The following TFEC variants were observed in gnomAD, a reference collection of about 807,000 sequenced individuals.
TFEC encodes the protein transcription factor EC.
TFEC carries 31 observed loss-of-function variants against 41.6 expected under a neutral mutation model. The observed-to-expected ratio is 0.74, with a 90% CI of 0.56 to 1.01. TFEC has a LOEUF of 1.01. TFEC is among the 50% of genes least tolerant of loss of function. The pLI, the probability that TFEC is intolerant of heterozygous loss-of-function variation, is 0.00. For synonymous variants in TFEC, 143 were observed against 140.6 expected (o/e 1.02, Z -0.12); for missense variants, 402 against 404.1 (o/e 0.99, Z 0.04).
chr7:115,990,308 T>G (rs898175565), intron 1 of TFEC, among the ~76,000 whole-genome samples: 2 of 152,080 alleles, frequency 1.3e-5, no homozygotes, highest in African/African-American at 4.8e-5. Flanking sequence ...AATTCTAAAA[T>G]CAGAGCGCTT....
chr7:115,975,234 T>C (rs1793328417), intron 2 of TFEC, among the ~76,000 whole-genome samples: 1 of 151,804 alleles, frequency 6.6e-6, no homozygotes, highest in Non-Finnish European at 1.5e-5. Context: ...CTCTCTCTCT[T>C]TCTCTCTCTC....
chr7:116,112,557 C>T (rs1278856377), intron 1 of TFEC, among the ~76,000 whole-genome samples: 2 of 151,772 alleles, frequency 1.3e-5, no homozygotes, highest in Non-Finnish European at 2.9e-5. Context: ...AATTGGTGCC[C>T]AATATTGAAT....
At chr7:115,980,811 AG>A (rs1344330108) in intron 2 of TFEC, among the ~76,000 whole-genome samples, 1 of 152,050 alleles carries the variant, frequency 6.6e-6, no homozygotes, top group African/African-American at 2.4e-5. Flanking sequence ...AGGAGATAAT[AG>A]TAAACCATAG....
At chr7:116,101,687 G>C (rs1797608764) in intron 3 of TFEC, among the ~76,000 whole-genome samples, 1 of 149,558 alleles carries the variant, frequency 6.7e-6, no homozygotes, top group African/African-American at 2.5e-5. Flanking sequence ...AAGACCTTGG[G>C]GGGAGTTGGG....
At chr7:116,044,688 G>T (rs1480619510) in intron 3 of TFEC, among the ~76,000 whole-genome samples, 1 of 152,170 alleles carries the variant, frequency 6.6e-6, no homozygotes, top group African/African-American at 2.4e-5. Context: ...CCAGATGCTG[G>T]GTATCATTTT....
chr7:116,072,054 C>T (rs1218902724), intron 3 of TFEC, among the ~76,000 whole-genome samples: 2 of 151,520 alleles, frequency 1.3e-5, no homozygotes, highest in Non-Finnish European at 3.0e-5. Flanking sequence ...CATAAAATTA[C>T]AGCTATAGCT....
rs1386003755 is a variant in TFEC at position 115,938,427 on chromosome 7, T to G, written c.*2124A>C. ...AAGTATGTAATATCGTCTTGAAAAT[T>G]ATTGAGAAGATGTATCTAATAGCTG... On this transcript the variant is annotated 3_prime_UTR_variant, in exon 8 of 8. Coordinates refer to ENST00000265440, the MANE Select transcript of TFEC (RefSeq NM_012252.4). 1 of 151,936 alleles carries G rather than the reference T, an allele frequency of 6.6e-6. No individual in the cohort carries two copies. Among genetic ancestry groups the G allele is most frequent in the Non-Finnish European group, 1.5e-5 (1 of 67,914 alleles). 9.4% of individuals were successfully genotyped at this position (151,936 alleles called of 1,614,324 possible). A position where few individuals can be genotyped will look rare whatever the true frequency, so the allele number is the denominator to read the frequency against.
At chr7:116,142,967 G>C (rs1702358935) in intron 1 of TFEC, among the ~76,000 whole-genome samples, 1 of 152,164 alleles carries the variant, frequency 6.6e-6, no homozygotes, top group African/African-American at 2.4e-5. Context: ...CTGAGTACCT[G>C]GTTGTTGAGG....
intron 1 of TFEC, among the ~76,000 whole-genome samples, chr7:116,004,907 T>G (rs2036458694): frequency 6.6e-6 from 1 of 152,138 alleles, no homozygotes; most frequent in Non-Finnish European, 1.5e-5. Context: ...GGGAGGTAAC[T>G]GAATCATGGG....
At chr7:115,971,113 T>C (rs1008131912) in intron 3 of TFEC, among the ~76,000 whole-genome samples, 3 of 152,064 alleles carry the variant, frequency 2.0e-5, no homozygotes, top group African/African-American at 7.2e-5. Flanking sequence ...ACTACTGCTT[T>C]CTTGGTTCTC....
intron 1 of TFEC, among the ~76,000 whole-genome samples, chr7:116,148,877 C>G (rs1012786156): frequency 1.3e-5 from 2 of 149,980 alleles, no homozygotes; most frequent in African/African-American, 2.5e-5. Flanking sequence ...TCGATGAGAT[C>G]ATCAAGAGAA....
chr7:116,020,286 G>A (rs944938409), intron 1 of TFEC, among the ~76,000 whole-genome samples: 1 of 152,134 alleles, frequency 6.6e-6, no homozygotes, highest in African/African-American at 2.4e-5. Flanking sequence ...ACCTTGTGCA[G>A]AGGAGGGAGC....
intron 1 of TFEC, among the ~76,000 whole-genome samples, chr7:115,989,445 G>T (rs1196749145): frequency 2.0e-5 from 3 of 152,166 alleles, no homozygotes; most frequent in African/African-American, 7.2e-5. Context: ...GAAGGGCGGG[G>T]CATCGCCTCA....
intron 2 of TFEC, among the ~76,000 whole-genome samples, chr7:115,978,855 A>G (rs1793500310): frequency 2.6e-5 from 4 of 152,102 alleles, no homozygotes; most frequent in African/African-American, 9.7e-5. Context: ...TTTCTCTTCT[A>G]ACCATCCCTT....
intron 6 of TFEC, among the ~76,000 whole-genome samples, chr7:115,945,941 T>C (rs564642284): frequency 7.9e-5 from 12 of 151,874 alleles, no homozygotes; most frequent in Admixed American, 7.2e-4. Flanking sequence ...AAGACTTTTG[T>C]ATGGCCTGCA....
At chr7:116,054,703 G>T (rs560885259) in intron 3 of TFEC, among the ~76,000 whole-genome samples, 1 of 151,994 alleles carries the variant, frequency 6.6e-6, no homozygotes, top group African/African-American at 2.4e-5. Context: ...TGGAACATAC[G>T]TACACCAAAA....
intron 3 of TFEC, among the ~76,000 whole-genome samples, chr7:116,101,169 C>T (rs1215961303): frequency 1.3e-5 from 2 of 149,576 alleles, no homozygotes; most frequent in African/African-American, 4.9e-5. Flanking sequence ...CTCCCAACAC[C>T]AATGTCCCCC....
intron 3 of TFEC, among the ~76,000 whole-genome samples, chr7:116,068,770 T>C (rs1171429842): frequency 6.6e-6 from 1 of 151,334 alleles, no homozygotes; most frequent in Non-Finnish European, 1.5e-5. Context: ...CAGCAGAAAA[T>C]CTACTAGATA....
At chr7:116,107,703 C>T (rs12374699) in intron 3 of TFEC, among the ~76,000 whole-genome samples, 23,122 of 151,996 alleles carry the variant, frequency 0.15, 1,800 homozygotes, top group East Asian at 0.25. Flanking sequence ...GAATCATCAG[C>T]GTTTTCAATA....
Sources: gnomAD v4.1 joint callset for allele counts (sites outside exome capture counted in the v4.1 genomes callset) on GRCh38, gnomAD v4.1.1 for gene constraint, MANE v1.5 for transcripts, NCBI Gene and HGNC (gene_info 2026-07-23, HGNC 2026-07-21) for gene names.